TACC2: variants seen among roughly 807,000 people sequenced by gnomAD.
TACC2 encodes transforming acidic coiled-coil-containing protein 2.
TACC2 carries 137 observed loss-of-function variants against 227.3 expected under a neutral mutation model. The ratio of observed to expected loss-of-function variants is 0.60; its 90% CI spans 0.52 to 0.69. TACC2 has a LOEUF of 0.69. Ranked by LOEUF, TACC2 falls within the 30% of genes least tolerant of loss-of-function variation. TACC2 has a pLI of 0.00. For synonymous variants in TACC2, 1,523 were observed against 1,487.5 expected, an observed-to-expected ratio of 1.02 and a Z score of -0.55; for missense variants, 3,470 against 3,694.4, an observed-to-expected ratio of 0.94 and a Z score of 1.57.
chr10:122,188,178 A>G (rs527265084), intron 7 of TACC2, among the ~76,000 whole-genome samples: 2 of 152,318 alleles, frequency 1.3e-5, no homozygotes, highest in Admixed American at 6.5e-5. Flanking sequence ...GATCCAGAAA[A>G]TGGTTGGAGG....
chr10:122,071,073 G>A (rs190898424), intron 3 of TACC2, among the ~76,000 whole-genome samples: 2 of 152,288 alleles, frequency 1.3e-5, no homozygotes, highest in African/African-American at 4.8e-5. Context: ...GCACTAGCAA[G>A]GGCTTAACTT....
At chr10:122,161,492 T>G (rs1020517730) in intron 7 of TACC2, among the ~76,000 whole-genome samples, 15 of 152,252 alleles carry the variant, frequency 9.9e-5, no homozygotes, top group Non-Finnish European at 2.9e-5. Context: ...AAATAGATGC[T>G]TTTCCTCTTT....
At chr10:122,177,179 G>A (rs2093758586) in intron 7 of TACC2, among the ~76,000 whole-genome samples, 1 of 152,180 alleles carries the variant, frequency 6.6e-6, no homozygotes, top group African/African-American at 2.4e-5. Context: ...AGTATAGTTT[G>A]GGGTGGTATA....
intron 2 of TACC2, among the ~76,000 whole-genome samples, chr10:122,045,374 C>T (rs1404918402): frequency 6.6e-6 from 1 of 152,224 alleles, no homozygotes; most frequent in Non-Finnish European, 1.5e-5. Context: ...GACTCTGGAG[C>T]CAAACCATCC....
intron 13 of TACC2, 31 bp from the exon 14 acceptor site, chr10:122,227,806 A>T: frequency 6.3e-7 from 1 of 1,591,868 alleles, no homozygotes; most frequent in Non-Finnish European, 8.6e-7. Flanking sequence ...CAATGAGAAG[A>T]CTAAAGAAAG....
rs143082791 is a variant in TACC2, at chr10:122,248,378, C to T, written c.8393-265C>T. On this transcript the variant is annotated intron_variant, in intron 19 of 22. Transcript: ENST00000369005. ...AATATAGACCTGTGAAGGGGCCGTA[C>T]TGATCAGGTTAAGGAATAGTAATGG... 770 of 473,114 alleles carry T rather than the reference C, an allele frequency of 1.6e-3. 4 individuals are homozygous for T. The highest frequency in any genetic ancestry group is 4.9e-3 in the Admixed American group (152 of 30,754). 29.3% of individuals were successfully genotyped at this position (473,114 alleles called of 1,614,324 possible).
At chr10:122,108,743 CTT>C (rs947664031) in intron 5 of TACC2, among the ~76,000 whole-genome samples, 1 of 138,120 alleles carries the variant, frequency 7.2e-6, no homozygotes. Flanking sequence ...GCCCGGTCTT[CTT>C]TTTTTCTTTT....
rs575745996 is a variant in TACC2, at chr10:122,210,318, G to A, written c.5972-79G>A. On this transcript the variant is annotated intron_variant, in intron 8 of 22. Coordinates refer to ENST00000369005, the MANE Select transcript of TACC2 (RefSeq NM_206862.4). This position sits in a 1 kb window ranked among gnomAD's most constrained non-coding sequence, Gnocchi z 4.6. ...GGTTTGTCAACCCCTACGCTGGAGG[G>A]TGATGTTTTGGTACAAGAGGAGAGG... 3.1e-5 allele frequency: 36 copies of A among 1,151,232 alleles called. No individual in the cohort carries two copies. In the South Asian group the frequency reaches 4.5e-4, roughly 14 times the overall value. The allele number at this position is 1,151,232 out of a possible 1,614,324, so 71.3% of individuals were successfully genotyped here.
At position 122,050,556 on chromosome 10, in the gene TACC2, A is replaced by T. The variant is rs2075558256; in HGVS notation, c.146+6A>T. The T allele has an allele frequency of 6.2e-7, 1 of 1,609,706 alleles. No homozygotes were observed. The highest frequency in any genetic ancestry group is 8.5e-7 in the Non-Finnish European group (1 of 1,176,690). ...GACCACAGAGACGCGTCCAGGTAGGAGGCCAGCTCTGGAGGACTGATGCAG... is the reference window on the plus strand; with the variant it reads ...GACCACAGAGACGCGTCCAGGTAGGTGGCCAGCTCTGGAGGACTGATGCAG... On this transcript the variant is annotated splice_donor_region_variant and intron_variant, in intron 3 of 22. Transcript: ENST00000369005. The surrounding 1 kb of genome is among the most constrained non-coding windows in gnomAD (Gnocchi z 4.6).
intron 5 of TACC2, among the ~76,000 whole-genome samples, chr10:122,091,881 A>G: frequency 6.6e-6 from 1 of 152,190 alleles, no homozygotes; most frequent in South Asian, 2.1e-4. Context: ...AGGTCTCTGA[A>G]TTCACACCCC....
At chr10:122,029,717 G>A (rs1169697457) in intron 2 of TACC2, among the ~76,000 whole-genome samples, 1 of 152,158 alleles carries the variant, frequency 6.6e-6, no homozygotes. Flanking sequence ...TTAGAGTTGA[G>A]AAGGGCATAG....
chr10:122,011,381 G>C (rs1332305771), intron 1 of TACC2, among the ~76,000 whole-genome samples: 1 of 152,210 alleles, frequency 6.6e-6, no homozygotes, highest in Non-Finnish European at 1.5e-5. Flanking sequence ...CCAGGCTGGG[G>C]TGCAGTGGCG....
chr10:122,117,191 C>CTTTTTTTTTTTTTTTTTTT (rs71482688), intron 5 of TACC2, among the ~76,000 whole-genome samples: 2 of 129,816 alleles, frequency 1.5e-5, no homozygotes, highest in Non-Finnish European at 3.2e-5. Flanking sequence ...TCTTAGAAAT[C>CTTTTTTTTTTTTTTTTTTT]TTTTTTTTTT....
At chr10:122,231,827 C>T (rs1284266474) in intron 16 of TACC2, among the ~76,000 whole-genome samples, 1 of 152,156 alleles carries the variant, frequency 6.6e-6, no homozygotes, top group East Asian at 1.9e-4. Context: ...GGTGACAGAG[C>T]GAGACCCTAT....
At chr10:122,202,024 T>TC (rs918467466) in intron 8 of TACC2, among the ~76,000 whole-genome samples, 30 of 151,808 alleles carry the variant, frequency 2.0e-4, no homozygotes, top group Middle Eastern at 3.4e-3. Flanking sequence ...TTTTTTTTTT[T>TC]TTTTTTTTTA....
chr10:121,993,059 C>G (rs1953100936), intron 1 of TACC2, among the ~76,000 whole-genome samples: 1 of 152,144 alleles, frequency 6.6e-6, no homozygotes, highest in African/African-American at 2.4e-5. Flanking sequence ...GTAGCTCACA[C>G]CTGTAATCCC....
chr10:122,134,590 C>T (rs1262673175), intron 6 of TACC2, among the ~76,000 whole-genome samples: 1 of 152,210 alleles, frequency 6.6e-6, no homozygotes, highest in Non-Finnish European at 1.5e-5. Flanking sequence ...TCCAGTGAGA[C>T]GTGGGGCACC....
At chr10:122,021,844 A>T in intron 1 of TACC2, 93 bp from the exon 2 acceptor site, 1 of 707,878 alleles carries the variant, frequency 1.4e-6, no homozygotes. Context: ...ATTTCCCATC[A>T]TCTGGCTTTT....
chr10:122,036,476 C>T (rs979086545), intron 2 of TACC2, among the ~76,000 whole-genome samples: 78 of 147,080 alleles, frequency 5.3e-4, no homozygotes, highest in African/African-American at 1.8e-3. Flanking sequence ...TACAGGCATG[C>T]GCCACCGTGC....
Sources: gnomAD v4.1 joint callset for allele counts (sites outside exome capture counted in the v4.1 genomes callset) on GRCh38, gnomAD v4.1.1 for gene constraint, Gnocchi (gnomAD v3.1) non-coding constraint, MANE v1.5 for transcripts, NCBI Gene and HGNC (gene_info 2026-07-23, HGNC 2026-07-21) for gene names.